PLEKHA3: variants seen among roughly 807,000 people sequenced by gnomAD.
PLEKHA3 encodes pleckstrin homology domain containing A3.
A neutral mutation model predicts 39.2 loss-of-function variants in PLEKHA3; 19 were observed. The observed-to-expected ratio is 0.48, with a 90% CI of 0.34 to 0.71. PLEKHA3 has a LOEUF of 0.71. Ranked by LOEUF, PLEKHA3 falls within the 30% of genes least tolerant of loss-of-function variation. The pLI, the probability that PLEKHA3 is intolerant of heterozygous loss-of-function variation, is 0.01. For missense variants in PLEKHA3, 253 were observed against 359.5 expected, an observed-to-expected ratio of 0.70 and a Z score of 2.40; for synonymous variants, 97 against 118.6, an observed-to-expected ratio of 0.82 and a Z score of 1.18.
intron 2 of PLEKHA3, among the ~76,000 whole-genome samples, chr2:178,486,760 T>C (rs1685257152): frequency 6.6e-6 from 1 of 152,218 alleles, no homozygotes; most frequent in Admixed American, 6.5e-5. Flanking sequence ...AATTTTGGTA[T>C]CCATTCTAGT....
rs1477434034 is a variant in PLEKHA3 at position 178,510,886 on chromosome 2, A to G, written c.*6999A>G. Reference sequence around the variant, plus strand: ...TTTTCTAATCAAAGTGTTTTGGGGAACATTTAATTTAAATACTATGTTCAA... The same window carrying G: ...TTTTCTAATCAAAGTGTTTTGGGGAGCATTTAATTTAAATACTATGTTCAA... On this transcript the variant is annotated 3_prime_UTR_variant, in exon 8 of 8. Transcript: ENST00000234453. 2.0e-5 allele frequency: 3 copies of G among 152,238 alleles called. No homozygotes were observed. The highest frequency in any genetic ancestry group is 4.4e-5 in the Non-Finnish European group (3 of 68,046). The allele number at this position is 152,238 out of a possible 1,614,324, so 9.4% of individuals were successfully genotyped here.
In PLEKHA3 at chr2:178,511,488, C is replaced by T. The variant is rs1685684569; in HGVS notation, c.*7601C>T. 2 of 151,916 alleles carry T rather than the reference C, an allele frequency of 1.3e-5. No homozygotes were observed. The highest frequency in any genetic ancestry group is 2.4e-5 in the African/African-American group (1 of 41,324). 9.4% of individuals were successfully genotyped at this position (151,916 alleles called of 1,614,324 possible). On this transcript the variant is annotated 3_prime_UTR_variant, in exon 8 of 8. Coordinates refer to ENST00000234453, the MANE Select transcript of PLEKHA3 (RefSeq NM_019091.4). ...TCCGGGGCTCAAGCAATTCTCGTGA[C>T]TCAACATCCCAAATAGCTGGGACTG...
intron 2 of PLEKHA3, chr2:178,489,026 A>C (rs1307783538): frequency 4.6e-6 from 2 of 438,940 alleles, no homozygotes; most frequent in Admixed American, 3.0e-5. Context: ...TATGTTTAAA[A>C]ATGAGTCATC....
Position 178,495,515 on chromosome 2 carries a change from C to T in PLEKHA3, c.470C>T (p.Ser157Phe), listed in dbSNP as rs1193241264. The T allele has an allele frequency of 3.7e-6, 6 of 1,613,828 alleles. No individual in the cohort carries two copies. Among genetic ancestry groups the T allele is most frequent in the Admixed American group, 1.7e-5 (1 of 59,898 alleles). Residue 157 changes from serine (S) to phenylalanine (F), a missense_variant, in exon 5 of 8, where the codon TCT (serine) becomes TTT (phenylalanine). By Grantham distance (155) the Ser-to-Phe change is radical. This residue lies in a region of PLEKHA3 where 126 missense variants were observed against 222.7 expected (regional missense o/e 0.57). Transcript: ENST00000234453. ...PSAENMNEAS[S>F]LLSATCNTFI... ...TTTCAGAACATGAATGAAGCCTCTTCTCTGCTTAGTGCCACGTGTAACACA... is the reference window on the plus strand; with the variant it reads ...TTTCAGAACATGAATGAAGCCTCTTTTCTGCTTAGTGCCACGTGTAACACA...
intron 1 of PLEKHA3, among the ~76,000 whole-genome samples, chr2:178,485,295 A>G (rs991153851): frequency 1.3e-5 from 2 of 152,028 alleles, no homozygotes; most frequent in African/African-American, 2.4e-5. Context: ...CGTAACCCCA[A>G]CTCTGTTCCT....
In PLEKHA3 at chr2:178,504,225, G is replaced by T; in HGVS notation, c.*338G>T. ...GACAGCATGGTCAGGGTGTATTGTAGCTTATAAACATGAAATCTTATAAGG... is the reference window on the plus strand; with the variant it reads ...GACAGCATGGTCAGGGTGTATTGTATCTTATAAACATGAAATCTTATAAGG... On this transcript the variant is annotated 3_prime_UTR_variant, in exon 8 of 8. Coordinates refer to ENST00000234453, the MANE Select transcript of PLEKHA3 (RefSeq NM_019091.4). 1.1e-5 allele frequency: 2 copies of T among 177,060 alleles called. No homozygotes were observed. Among genetic ancestry groups the T allele is most frequent in the Non-Finnish European group, 2.4e-5 (2 of 81,970 alleles). The allele number at this position is 177,060 out of a possible 1,614,324, so 11.0% of individuals were successfully genotyped here. A position where few individuals can be genotyped will look rare whatever the true frequency, so the allele number is the denominator to read the frequency against.
chr2:178,496,555 G>T (rs1392236514), intron 5 of PLEKHA3, among the ~76,000 whole-genome samples: 1 of 152,180 alleles, frequency 6.6e-6, no homozygotes, highest in Non-Finnish European at 1.5e-5. Context: ...TTTATTTAGA[G>T]AATTGTTTTC....
chr2:178,495,722 A>G (rs748904618), intron 5 of PLEKHA3, 62 bp downstream of exon 5: 13 of 1,507,606 alleles, frequency 8.6e-6, no homozygotes, highest in Non-Finnish European at 1.2e-5. Flanking sequence ...TTTTCGTTTC[A>G]TTTTGGTATT....
intron 2 of PLEKHA3, 78 bp downstream of exon 2, chr2:178,485,835 A>G (rs1685240785): frequency 6.4e-6 from 7 of 1,089,560 alleles, no homozygotes; most frequent in Non-Finnish European, 9.7e-6. Context: ...ACGAGGAAAA[A>G]AAGCATTTCT....
intron 4 of PLEKHA3, among the ~76,000 whole-genome samples, chr2:178,494,601 G>A (rs1685409610): frequency 1.3e-5 from 2 of 152,170 alleles, no homozygotes; most frequent in Non-Finnish European, 2.9e-5. Flanking sequence ...CTGTTGGGGA[G>A]GAATCTTGTG....
At chr2:178,494,269 C>T (rs1292839766) in intron 4 of PLEKHA3, among the ~76,000 whole-genome samples, 1 of 152,182 alleles carries the variant, frequency 6.6e-6, no homozygotes, top group Non-Finnish European at 1.5e-5. Flanking sequence ...GCATTCCAGG[C>T]TTTGTTCTCC....
rs962633453 is a variant in PLEKHA3, at chr2:178,512,320, A to G, written c.*8433A>G. 6 of 152,234 alleles carry G rather than the reference A, an allele frequency of 3.9e-5. No homozygotes were observed. Among genetic ancestry groups the G allele is most frequent in the African/African-American group, 1.4e-4 (6 of 41,466 alleles). The allele number at this position is 152,234 out of a possible 1,614,324, so 9.4% of individuals were successfully genotyped here. ...AAATAAATTAATGTAAAGGGATATT[A>G]ATGCATTAAGCAATTTTTTTTGACA... On this transcript the variant is annotated 3_prime_UTR_variant, in exon 8 of 8. Coordinates refer to ENST00000234453, the MANE Select transcript of PLEKHA3 (RefSeq NM_019091.4).
chr2:178,513,035 C>CT lies in PLEKHA3; in HGVS notation c.*9160dup, dbSNP rs1033560210. ...CAGGGTGGTTAAATAAACAGTGGCACTTTTTTTTTTTTGAGACAGAGTCTC... is the reference window on the plus strand; with the variant it reads ...CAGGGTGGTTAAATAAACAGTGGCACTTTTTTTTTTTTTGAGACAGAGTCTC... On this transcript the variant is annotated 3_prime_UTR_variant, in exon 8 of 8. Transcript: ENST00000234453. The CT allele has an allele frequency of 8.6e-4, 127 of 147,326 alleles. No individual in the cohort carries two copies. The highest frequency in any genetic ancestry group is 1.1e-3 in the African/African-American group (46 of 40,256). 9.1% of individuals were successfully genotyped at this position (147,326 alleles called of 1,614,324 possible).
chr2:178,515,677 A>G lies in PLEKHA3; in HGVS notation c.*11790A>G, dbSNP rs1348450600. 2.6e-5 allele frequency: 4 copies of G among 152,244 alleles called. No homozygotes were observed. In the South Asian group the frequency reaches 8.3e-4, roughly 32 times the overall value. 9.4% of individuals were successfully genotyped at this position (152,244 alleles called of 1,614,324 possible). A position where few individuals can be genotyped will look rare whatever the true frequency, so the allele number is the denominator to read the frequency against. On this transcript the variant is annotated 3_prime_UTR_variant, in exon 8 of 8. Transcript: ENST00000234453. ...ACCACTCACTAAGTGTTATGTTGCTAGTATTTATCTTTGCTTTCTAATTAT... is the reference window on the plus strand; with the variant it reads ...ACCACTCACTAAGTGTTATGTTGCTGGTATTTATCTTTGCTTTCTAATTAT...
rs1685751341 is a variant in PLEKHA3 at position 178,515,670 on chromosome 2, T to C, written c.*11783T>C. 6.6e-6 allele frequency: 1 copy of C among 152,192 alleles called. No homozygotes were observed. Among genetic ancestry groups the C allele is most frequent in the Non-Finnish European group, 1.5e-5 (1 of 68,020 alleles). 9.4% of individuals were successfully genotyped at this position (152,192 alleles called of 1,614,324 possible). Reference sequence around the variant, plus strand: ...TTCATTGACCACTCACTAAGTGTTATGTTGCTAGTATTTATCTTTGCTTTC... The same window carrying C: ...TTCATTGACCACTCACTAAGTGTTACGTTGCTAGTATTTATCTTTGCTTTC... On this transcript the variant is annotated 3_prime_UTR_variant, in exon 8 of 8. Transcript: ENST00000234453.
intron 6 of PLEKHA3, among the ~76,000 whole-genome samples, chr2:178,500,804 C>T (rs1012786601): frequency 6.6e-6 from 1 of 152,006 alleles, no homozygotes; most frequent in African/African-American, 2.4e-5. Context: ...CTGGAGTCTC[C>T]CCTACAGAAG....
At chr2:178,486,041 C>A (rs1227043481) in intron 2 of PLEKHA3, among the ~76,000 whole-genome samples, 9 of 152,200 alleles carry the variant, frequency 5.9e-5, no homozygotes, top group Non-Finnish European at 7.4e-5. Context: ...TAGTGTCCAC[C>A]TTCAGTCTAT....
chr2:178,483,409 A>G (rs927923543), intron 1 of PLEKHA3, among the ~76,000 whole-genome samples: 12 of 152,198 alleles, frequency 7.9e-5, no homozygotes, highest in Admixed American at 2.0e-4. Context: ...CCTCTGTTAT[A>G]TAAGTGTGTG....
chr2:178,490,501 TGG>T (rs1478021301), intron 2 of PLEKHA3, among the ~76,000 whole-genome samples, 156 bp from the exon 3 acceptor site: 3 of 152,260 alleles, frequency 2.0e-5, no homozygotes, highest in African/African-American at 7.2e-5. Context: ...GGAGTGCCAC[TGG>T]GTGGCCCCTC....
Sources: allele counts gnomAD v4.1 joint callset (sites outside exome capture counted in the v4.1 genomes callset), GRCh38; gene constraint gnomAD v4.1.1; regional missense constraint gnomAD v4.1.1; transcripts MANE v1.5; gene names NCBI Gene and HGNC (gene_info 2026-07-23, HGNC 2026-07-21).